Variants in MYLK3 observed in about 807,000 individuals in gnomAD.
MYLK3 encodes MLC kinase.
Under a neutral mutation model 76.3 loss-of-function variants are expected in MYLK3, and 55 were observed. The observed-to-expected ratio is 0.72, with a 90% CI of 0.58 to 0.90. The LOEUF (loss-of-function observed/expected upper bound fraction) is 0.90, where lower values mean the gene tolerates loss of function less well. Among genes scored for constraint, MYLK3 ranks in the 40% least tolerant of loss-of-function variants. The probability of loss-of-function intolerance (pLI) is 0.00; values close to 1 mark genes in which losing one functional copy is unlikely to be tolerated. For synonymous variants in MYLK3, 416 were observed against 425.4 expected (o/e 0.98, Z 0.27); for missense variants, 973 against 1,053.6 (o/e 0.92, Z 1.06).
At chr16:46,751,344 T>G (rs1967121966), upstream of MYLK3, among the ~76,000 whole-genome samples, 1 of 152,022 alleles carries the variant, frequency 6.6e-6, no homozygotes, top group Non-Finnish European at 1.5e-5. Context: ...GAGACAGAGG[T>G]TGCAGTGAAC....
At position 46,729,618 on chromosome 16, in the gene MYLK3, G is replaced by C. The variant is rs764444623; in HGVS notation, c.1638C>G (p.Ile546Met). Residue 546 changes from isoleucine (I) to methionine (M), a missense_variant, in exon 6 of 13, where the codon ATC becomes ATG. By Grantham distance (10) the Ile-to-Met change is conservative. Around this residue, in one of 2 missense-constraint regions of MYLK3, gnomAD observed 332 missense variants for 416.6 expected, o/e 0.80. Transcript: ENST00000394809. ...CCCGGTCCTTGGCGCTCTTCACTTT[G>C]ATGATCTTGGCAGCCAGTGGGAGGC... ...STGLPLAAKI[I>M]KVKSAKDRED... 6.2e-7 allele frequency: 1 copy of C among 1,613,782 alleles called. No individual in the cohort carries two copies. The highest frequency in any genetic ancestry group is 1.7e-5 in the Admixed American group (1 of 59,996).
intron 10 of MYLK3, 156 bp from the exon 11 acceptor site, chr16:46,710,945 C>T (rs1596745398): frequency 2.0e-5 from 16 of 798,798 alleles, no homozygotes; most frequent in Middle Eastern, 5.5e-4. Context: ...GGATGGAGTC[C>T]AGTGTGTTCA....
Position 46,706,202 on chromosome 16 carries a change from A to G in MYLK3, c.*1502T>C, listed in dbSNP as rs1215237594. On this transcript the variant is annotated 3_prime_UTR_variant, in exon 13 of 13. Coordinates refer to ENST00000394809, the MANE Select transcript of MYLK3 (RefSeq NM_182493.3). ...CCTAATGTTGACTGGAAGCCCTATCAATAATATAAACAGTCAGTTAATACC... is the reference window on the plus strand; with the variant it reads ...CCTAATGTTGACTGGAAGCCCTATCGATAATATAAACAGTCAGTTAATACC... 6.6e-6 allele frequency: 1 copy of G among 152,140 alleles called. No individual in the cohort carries two copies. Among genetic ancestry groups the G allele is most frequent in the Non-Finnish European group, 1.5e-5 (1 of 68,036 alleles). 9.4% of individuals were successfully genotyped at this position (152,140 alleles called of 1,614,324 possible).
chr16:46,747,264 T>C (rs774732644), intron 1 of MYLK3, among the ~76,000 whole-genome samples: 1 of 152,158 alleles, frequency 6.6e-6, no homozygotes, highest in African/African-American at 2.4e-5. Context: ...AGCTGCACTC[T>C]CCACTCCCTC....
rs1966659238 is a variant in MYLK3 at position 46,709,405 on chromosome 16, G to A, written c.2400+134C>T. On this transcript the variant is annotated intron_variant, in intron 12 of 12. Transcript: ENST00000394809. ...CCACTATACTCCAGCCTGGGCAACA[G>A]AGCAAGACCCTGTCTATAAAAACAA... 1.1e-5 allele frequency: 11 copies of A among 1,003,352 alleles called. No individual in the cohort carries two copies. The South Asian group carries it at 1.5e-4, about 13-fold the overall frequency. The allele number at this position is 1,003,352 out of a possible 1,614,324, so 62.2% of individuals were successfully genotyped here.
chr16:46,724,927 G>T (rs1966834642), intron 8 of MYLK3, among the ~76,000 whole-genome samples: 1 of 152,084 alleles, frequency 6.6e-6, no homozygotes, highest in African/African-American at 2.4e-5. Flanking sequence ...CATGACCATG[G>T]CATGCCTTTC....
upstream of MYLK3, among the ~76,000 whole-genome samples, chr16:46,749,951 A>G (rs1967099452): frequency 6.6e-6 from 1 of 152,190 alleles, no homozygotes; most frequent in African/African-American, 2.4e-5. Flanking sequence ...GACCCAGAAC[A>G]TGCTAGAAAG....
rs188145524 is a variant in MYLK3 at position 46,739,974 on chromosome 16, T to C, written c.568+83A>G. On this transcript the variant is annotated intron_variant, in intron 2 of 12. Transcript: ENST00000394809. Reference sequence around the variant, plus strand: ...AGCTTTGACAGTTGCCCAGGAATCATACTGTGGGCCGTGTTGTTGGGGCCT... The same window carrying C: ...AGCTTTGACAGTTGCCCAGGAATCACACTGTGGGCCGTGTTGTTGGGGCCT... The C allele has an allele frequency of 2.2e-3, 2,096 of 971,726 alleles. 11 individuals are homozygous for C. The highest frequency in any genetic ancestry group is 1.6e-3 in the Non-Finnish European group (1,030 of 632,496). The allele number at this position is 971,726 out of a possible 1,614,324, so 60.2% of individuals were successfully genotyped here. A position where few individuals can be genotyped will look rare whatever the true frequency, so the allele number is the denominator to read the frequency against.
In MYLK3 at chr16:46,721,143, A is replaced by T. The variant is rs1192417669; in HGVS notation, c.1965T>A (p.Ile655=). 1 of 1,614,204 alleles carries T rather than the reference A, an allele frequency of 6.2e-7. No homozygotes were observed. Among genetic ancestry groups the T allele is most frequent in the East Asian group, 2.2e-5 (1 of 44,886 alleles). ...VNQTGHQIKI[I]DFGLARRYKP... is the part of the protein sequence containing the mutation. The stretch of plus-strand genomic sequence containing the variant: ...CTTACCTTCTGGCCAGCCCAAAGTC[A>T]ATGATCTTAATTTGATGTCCTGTCT... The change falls in exon 9 of 13, where the codon ATT becomes ATA. Residue 655 remains isoleucine, a synonymous_variant. Transcript: ENST00000394809.
intron 1 of MYLK3, chr16:46,762,933 T>C (rs1967299083): frequency 1.1e-6 from 1 of 887,594 alleles, no homozygotes; most frequent in Non-Finnish European, 1.3e-6. Flanking sequence ...CTTGTCGTTT[T>C]TGATCAGACT....
intron 1 of MYLK3, among the ~76,000 whole-genome samples, chr16:46,757,876 G>T (rs917251521): frequency 2.0e-5 from 3 of 152,166 alleles, no homozygotes; most frequent in African/African-American, 7.2e-5. Context: ...CCCCACATCC[G>T]GGTGCAGGGG....
rs1966619488 is a variant in MYLK3, at chr16:46,705,894, C to A, written c.*1810G>T. ...CCCAGGTACTCATGATCGCCTGAGCCCAGGAGGCGGAGGCTACAGTGAGCC... is the reference window on the plus strand; with the variant it reads ...CCCAGGTACTCATGATCGCCTGAGCACAGGAGGCGGAGGCTACAGTGAGCC... On this transcript the variant is annotated 3_prime_UTR_variant, in exon 13 of 13. Coordinates refer to ENST00000394809, the MANE Select transcript of MYLK3 (RefSeq NM_182493.3). 1 of 151,778 alleles carries A rather than the reference C, an allele frequency of 6.6e-6. No individual in the cohort carries two copies. Among genetic ancestry groups the A allele is most frequent in the Admixed American group, 6.6e-5 (1 of 15,236 alleles). 9.4% of individuals were successfully genotyped at this position (151,778 alleles called of 1,614,324 possible).
intron 1 of MYLK3, among the ~76,000 whole-genome samples, chr16:46,759,912 G>T (rs573906129): frequency 6.6e-6 from 1 of 152,204 alleles, no homozygotes; most frequent in South Asian, 2.1e-4. Flanking sequence ...GATTACAGGC[G>T]TTAGCCACCA....
chr16:46,735,875 C>T (rs959757192), intron 3 of MYLK3, among the ~76,000 whole-genome samples: 2 of 152,236 alleles, frequency 1.3e-5, no homozygotes, highest in Non-Finnish European at 1.5e-5. Flanking sequence ...AAGGCACTTA[C>T]AAGCAGCTCC....
Position 46,730,693 on chromosome 16 carries a change from T to A in MYLK3, c.1468A>T (p.Ser490Cys). 1 of 1,613,912 alleles carries A rather than the reference T, an allele frequency of 6.2e-7. No individual in the cohort carries two copies. Among genetic ancestry groups the A allele is most frequent in the Non-Finnish European group, 8.5e-7 (1 of 1,180,000 alleles). ...AEAGSVVLDD[S>C]PAPPAPFEHR... ...TCAAAAGGAGCTGGTGGGGCCGGACTGTCATCTGCTCAGGAGGCAATAAGG... is the reference window on the plus strand; with the variant it reads ...TCAAAAGGAGCTGGTGGGGCCGGACAGTCATCTGCTCAGGAGGCAATAAGG... Residue 490 changes from serine (S) to cysteine (C), a missense_variant, in exon 5 of 13, where the codon AGT (serine) becomes TGT (cysteine). Physicochemically the swap from Ser to Cys is moderately radical, Grantham distance 112. This residue lies in a region of MYLK3 where 332 missense variants were observed against 416.6 expected (regional missense o/e 0.80). Coordinates refer to ENST00000394809, the MANE Select transcript of MYLK3 (RefSeq NM_182493.3).
At chr16:46,717,475 G>A (rs1288111099) in intron 9 of MYLK3, among the ~76,000 whole-genome samples, 7 of 152,052 alleles carry the variant, frequency 4.6e-5, no homozygotes, top group East Asian at 3.9e-4. Flanking sequence ...ATGTTCAGAC[G>A]TGTGAGCCTC....
intron 9 of MYLK3, among the ~76,000 whole-genome samples, chr16:46,714,487 G>A (rs982001801): frequency 2.0e-5 from 3 of 152,020 alleles, no homozygotes; most frequent in African/African-American, 7.2e-5. Context: ...GCCTCGGGGG[G>A]CAAGCGCTCC....
intron 3 of MYLK3, among the ~76,000 whole-genome samples, chr16:46,734,890 C>T (rs1966861084): frequency 6.6e-6 from 1 of 152,100 alleles, no homozygotes; most frequent in South Asian, 2.1e-4. Flanking sequence ...ACTTGTAATC[C>T]CAGCACTTTG....
In MYLK3 at chr16:46,727,266, G is replaced by A. The variant is rs1259329894; in HGVS notation, c.1884C>T (p.His628=). The A allele has an allele frequency of 1.2e-6, 2 of 1,613,964 alleles. No homozygotes were observed. The highest frequency in any genetic ancestry group is 3.3e-5 in the Admixed American group (2 of 60,000). ...RQICEGVHYL[H]QHYILHLDLK... ...GGTCCAGGTGCAGGATGTAGTGCTGGTGCAGGTAATGCACACCCTCACAGA... is the reference window on the plus strand; with the variant it reads ...GGTCCAGGTGCAGGATGTAGTGCTGATGCAGGTAATGCACACCCTCACAGA... Residue 628 remains histidine (H), a synonymous_variant, in exon 8 of 13, where the codon CAC becomes CAT. Coordinates refer to ENST00000394809, the MANE Select transcript of MYLK3 (RefSeq NM_182493.3).
Sources: gnomAD v4.1 joint callset for allele counts (sites outside exome capture counted in the v4.1 genomes callset) on GRCh38, gnomAD v4.1.1 for gene constraint, gnomAD v4.1.1 regional missense constraint, MANE v1.5 for transcripts, NCBI Gene and HGNC (gene_info 2026-07-23, HGNC 2026-07-21) for gene names.